The following API5 variants were observed in gnomAD, a reference collection of about 807,000 sequenced individuals.
API5 encodes apoptosis inhibitor 5, also known as FIF.
API5 carries 6 observed loss-of-function variants against 71.9 expected under a neutral mutation model. The observed-to-expected ratio is 0.08, with a 90% CI of 0.05 to 0.16. The LOEUF (loss-of-function observed/expected upper bound fraction) is 0.16. Among genes scored for constraint, API5 ranks in the 10% least tolerant of loss-of-function variants. The probability of loss-of-function intolerance (pLI) is 1.00; values close to 1 mark genes in which losing one functional copy is unlikely to be tolerated. For missense variants in API5, 332 were observed against 612.8 expected (o/e 0.54, Z 4.84); for synonymous variants, 189 against 221.3 (o/e 0.85, Z 1.30).
chr11:43,325,366 A>T (rs1342085701), intron 6 of API5, among the ~76,000 whole-genome samples: 1 of 152,208 alleles, frequency 6.6e-6, no homozygotes, highest in African/African-American at 2.4e-5. Flanking sequence ...GTCCCCAAAG[A>T]AATCAACAGT....
Position 43,318,752 on chromosome 11 carries a change from A to G in API5, c.182A>G (p.Asp61Gly). Reference protein sequence around the residue: ...KFFKHFPELADSAINAQLDLC... With the variant: ...KFFKHFPELAGSAINAQLDLC... ...TTTAAGCATTTTCCAGAATTGGCTG[A>G]TTCTGCTATCAATGCACAGTTAGAC... The change falls in exon 2 of 14, where the codon GAT (aspartate) becomes GGT (glycine). Residue 61 changes from aspartate to glycine, a missense_variant. Transcript: ENST00000531273. 6.2e-7 allele frequency: 1 copy of G among 1,613,838 alleles called. No individual in the cohort carries two copies. Among genetic ancestry groups the G allele is most frequent in the Non-Finnish European group, 8.5e-7 (1 of 1,179,968 alleles).
chr11:43,337,680 C>T (rs1469657002), intron 13 of API5, among the ~76,000 whole-genome samples: 2 of 152,184 alleles, frequency 1.3e-5, no homozygotes, highest in Non-Finnish European at 2.9e-5. Context: ...TTGGTTGAAT[C>T]ACATGTTGTT....
chr11:43,335,646 C>G (rs1855408158), intron 12 of API5, among the ~76,000 whole-genome samples: 1 of 152,134 alleles, frequency 6.6e-6, no homozygotes, highest in Non-Finnish European at 1.5e-5. Context: ...CTACATATTT[C>G]AGATTATTTT....
At chr11:43,342,307 A>T (rs925841828) in intron 13 of API5, 121 bp from the exon 14 acceptor site, 19 of 786,932 alleles carry the variant, frequency 2.4e-5, no homozygotes, top group Non-Finnish European at 3.9e-5. Flanking sequence ...GAATAGCAGA[A>T]TATTAGTTCT....
intron 1 of API5, among the ~76,000 whole-genome samples, chr11:43,316,786 C>G (rs1854687898): frequency 6.6e-6 from 1 of 152,072 alleles, no homozygotes; most frequent in Non-Finnish European, 1.5e-5. Flanking sequence ...TCTCCAGTAG[C>G]TGGGACTGCA....
intron 7 of API5, 79 bp downstream of exon 7, chr11:43,326,690 G>A (rs919872478): frequency 1.8e-5 from 14 of 796,220 alleles, no homozygotes; most frequent in East Asian, 7.5e-5. Flanking sequence ...ACTTAGATCC[G>A]ATTTCTAAGG....
intron 13 of API5, chr11:43,339,223 T>C (rs1855534254): frequency 6.6e-6 from 1 of 152,166 alleles, no homozygotes; most frequent in African/African-American, 2.4e-5. Flanking sequence ...CAGAATTGAA[T>C]TACTTTTCTT....
At chr11:43,329,750 T>A (rs1855191778) in intron 9 of API5, among the ~76,000 whole-genome samples, 1 of 152,236 alleles carries the variant, frequency 6.6e-6, no homozygotes, top group Non-Finnish European at 1.5e-5. Context: ...TTGAGCCATG[T>A]GTTACCTGTT....
At chr11:43,323,094 A>G (rs1439905112) in intron 5 of API5, among the ~76,000 whole-genome samples, 1 of 151,870 alleles carries the variant, frequency 6.6e-6, no homozygotes, top group Non-Finnish European at 1.5e-5. Context: ...TAAATAGCCA[A>G]TTTTTTTAAT....
At position 43,318,774 on chromosome 11, in the gene API5, A is replaced by C. The variant is rs759561318; in HGVS notation, c.204A>C (p.Leu68Phe). The change falls in exon 2 of 14, where the codon TTA (leucine) becomes TTC (phenylalanine). Residue 68 changes from leucine to phenylalanine, a missense_variant. By Grantham distance (22) the Leu-to-Phe change is conservative (BLOSUM62 0). This residue lies in a region of API5 where 127 missense variants were observed against 237.6 expected (regional missense o/e 0.53). Transcript: ENST00000531273. ...ELADSAINAQ[L>F]DLCEDEDVSI... is the part of the protein sequence containing the mutation. ...CTGATTCTGCTATCAATGCACAGTTAGACCTCTGTGAGGATGAAGATGTAT... is the reference window on the plus strand; with the variant it reads ...CTGATTCTGCTATCAATGCACAGTTCGACCTCTGTGAGGATGAAGATGTAT... 6.2e-7 allele frequency: 1 copy of C among 1,613,436 alleles called. No individual in the cohort carries two copies. The highest frequency in any genetic ancestry group is 8.5e-7 in the Non-Finnish European group (1 of 1,179,920).
intron 1 of API5, chr11:43,318,402 T>A (rs1253712426): frequency 1.3e-6 from 2 of 1,523,732 alleles, no homozygotes; most frequent in Middle Eastern, 1.8e-4. Context: ...ACACATTTGC[T>A]TTTTCCACTT....
rs1049820644 is a variant in API5 at position 43,318,568 on chromosome 11, T to G, written c.70-72T>G. 1.6e-5 allele frequency: 25 copies of G among 1,587,420 alleles called. No individual in the cohort carries two copies. The African/African-American group carries it at 3.0e-4, about 19-fold the overall frequency. ...AAATTTAAAGCACACTCTAACATGT[T>G]TGTTATGGTCTTTTACTTTGCTTCC... On this transcript the variant is annotated intron_variant, in intron 1 of 13. Transcript: ENST00000531273.
intron 1 of API5, among the ~76,000 whole-genome samples, chr11:43,313,722 A>T (rs1050710473): frequency 6.6e-6 from 1 of 152,196 alleles, no homozygotes; most frequent in African/African-American, 2.4e-5. Flanking sequence ...TAAGAAATGT[A>T]TACGGATGTT....
intron 1 of API5, among the ~76,000 whole-genome samples, chr11:43,315,188 C>T (rs559762558): frequency 6.6e-6 from 1 of 152,178 alleles, no homozygotes; most frequent in African/African-American, 2.4e-5. Flanking sequence ...ATACTCCTTT[C>T]AGAGTAGTGC....
intron 1 of API5, among the ~76,000 whole-genome samples, chr11:43,313,327 C>T (rs914634283): frequency 1.3e-5 from 2 of 152,068 alleles, no homozygotes; most frequent in South Asian, 4.1e-4. Context: ...TTTTCAAGTA[C>T]TGGAGTACAT....
intron 13 of API5, among the ~76,000 whole-genome samples, chr11:43,341,161 A>G (rs1855599814): frequency 6.6e-6 from 1 of 152,228 alleles, no homozygotes; most frequent in African/African-American, 2.4e-5. Flanking sequence ...CAATAAATGT[A>G]TGAAAAAATT....
chr11:43,331,704 A>G (rs188192613), intron 11 of API5, among the ~76,000 whole-genome samples: 54 of 152,284 alleles, frequency 3.5e-4, no homozygotes, highest in African/African-American at 1.2e-3. Flanking sequence ...TCCAAATTCA[A>G]GTTGTACAAG....
rs1488260741 is a variant in API5, at chr11:43,323,614, G to A, written c.728G>A (p.Arg243Gln). Residue 243 changes from arginine (R) to glutamine (Q), a missense_variant, in exon 6 of 14, where the codon CGG (arginine) becomes CAG (glutamine). Transcript: ENST00000531273. ...DCVDRLLQCTRQAVPLFSKNV... is the reference protein window; with the variant it reads ...DCVDRLLQCTQQAVPLFSKNV... ...GTGGACAGGCTCTTACAGTGCACTC[G>A]GCAGGCAGTACCCCTCTTCTCTGTG... 1.9e-6 allele frequency: 3 copies of A among 1,613,886 alleles called. No individual in the cohort carries two copies. Among genetic ancestry groups the A allele is most frequent in the Non-Finnish European group, 2.5e-6 (3 of 1,179,882 alleles).
chr11:43,318,623 T>A lies in API5; in HGVS notation c.70-17T>A. The A allele has an allele frequency of 6.2e-7, 1 of 1,610,536 alleles. No individual in the cohort carries two copies. The highest frequency in any genetic ancestry group is 8.5e-7 in the Non-Finnish European group (1 of 1,178,562). ...CTTCAAAATCATGTGTCTTTCCTGC[T>A]TTATTTTTTATTTCAGCATAAAGAT... On this transcript the variant is annotated splice_polypyrimidine_tract_variant and intron_variant, in intron 1 of 13. Transcript: ENST00000531273.
Sources: gnomAD v4.1 joint callset for allele counts (sites outside exome capture counted in the v4.1 genomes callset) on GRCh38, gnomAD v4.1.1 for gene constraint, gnomAD v4.1.1 regional missense constraint, MANE v1.5 for transcripts, NCBI Gene and HGNC (gene_info 2026-07-23, HGNC 2026-07-21) for gene names.